Variants in ST6GAL2 observed in about 807,000 individuals in gnomAD.
ST6GAL2 encodes ST6 beta-galactoside alpha-2,6-sialyltransferase 2.
Under a neutral mutation model 37.5 loss-of-function variants are expected in ST6GAL2, and 24 were observed. The observed-to-expected ratio is 0.64, with a 90% CI of 0.46 to 0.90. The LOEUF (loss-of-function observed/expected upper bound fraction) is 0.90. Among genes scored for constraint, ST6GAL2 ranks in the 40% least tolerant of loss-of-function variants. The pLI is 0.00. For missense variants in ST6GAL2, 715 were observed against 712.7 expected (o/e 1.00, Z -0.04); for synonymous variants, 306 against 295.1 (o/e 1.04, Z -0.38).
chr2:106,865,545 A>G (rs12105012), intron 1 of ST6GAL2, among the ~76,000 whole-genome samples: 18 of 152,192 alleles, frequency 1.2e-4, no homozygotes, highest in Non-Finnish European at 2.1e-4. Context: ...TAACAGTAAC[A>G]GGTAGTAAGC....
intron 1 of ST6GAL2, among the ~76,000 whole-genome samples, chr2:106,877,586 G>A (rs564504574): frequency 6.6e-6 from 1 of 152,308 alleles, no homozygotes; most frequent in South Asian, 2.1e-4. Context: ...AGTACCAAAT[G>A]AAGAAAATTT....
At chr2:106,881,698 A>G (rs927865719) in intron 1 of ST6GAL2, among the ~76,000 whole-genome samples, 1 of 152,238 alleles carries the variant, frequency 6.6e-6, no homozygotes, top group Non-Finnish European at 1.5e-5. Context: ...AAAAATTTGT[A>G]GAATTTGAAC....
At chr2:106,813,936 G>A (rs971532036) in intron 5 of ST6GAL2, among the ~76,000 whole-genome samples, 1 of 152,140 alleles carries the variant, frequency 6.6e-6, no homozygotes, top group African/African-American at 2.4e-5. Flanking sequence ...GCTGTTTTGT[G>A]GTTTCTCCTT....
At position 106,806,886 on chromosome 2, in the gene ST6GAL2, C is replaced by T. The variant is rs762559384; in HGVS notation, c.1382G>A (p.Arg461Gln). The change falls in exon 6 of 6, where the codon CGG becomes CAG. Residue 461 changes from arginine to glutamine, a missense_variant. Physicochemically the swap from Arg to Gln is conservative, Grantham distance 43. Around this residue, in one of 3 missense-constraint regions of ST6GAL2, gnomAD observed 198 missense variants for 203.6 expected, o/e 0.97. Transcript: ENST00000409382. ...VHVYEYIPSV[R>Q]QTELCHYHEL... Reference sequence around the variant, plus strand: ...GTGGTAGTGGCACAGCTCCGTCTGCCGCACGGATGGGATATATTCATACAC... The same window carrying T: ...GTGGTAGTGGCACAGCTCCGTCTGCTGCACGGATGGGATATATTCATACAC... 16 of 1,614,112 alleles carry T rather than the reference C, an allele frequency of 9.9e-6. No individual in the cohort carries two copies. The highest frequency in any genetic ancestry group is 3.3e-5 in the South Asian group (3 of 91,074).
At position 106,844,049 on chromosome 2, in the gene ST6GAL2, G is replaced by T; in HGVS notation, c.-57-15C>A. 1.5e-6 allele frequency: 2 copies of T among 1,313,420 alleles called. No homozygotes were observed. Among genetic ancestry groups the T allele is most frequent in the Non-Finnish European group, 1.0e-6 (1 of 959,182 alleles). The allele number at this position is 1,313,420 out of a possible 1,614,324, so 81.4% of individuals were successfully genotyped here. Reference sequence around the variant, plus strand: ...GCAGAATGAACCTGAAAAACAGCCAGATGGCAGTTAGCCAACATGGGGCAT... The same window carrying T: ...GCAGAATGAACCTGAAAAACAGCCATATGGCAGTTAGCCAACATGGGGCAT... On this transcript the variant is annotated splice_polypyrimidine_tract_variant and intron_variant, in intron 1 of 5. Transcript: ENST00000409382.
At chr2:106,884,906 C>CATAT (rs772381082) in intron 1 of ST6GAL2, among the ~76,000 whole-genome samples, 6,826 of 76,084 alleles carry the variant, frequency 0.09, 343 homozygotes, top group East Asian at 0.18. Context: ...ATTTGCAGCG[C>CATAT]ATATATATAT....
intron 1 of ST6GAL2, among the ~76,000 whole-genome samples, chr2:106,854,929 CAAAAA>C (rs34470697): frequency 1.5e-5 from 2 of 131,102 alleles, no homozygotes; most frequent in East Asian, 4.1e-4. Flanking sequence ...TTATTTTTTC[CAAAAA>C]AAAAAAAAGA....
chr2:106,882,229 G>A (rs958668090), intron 1 of ST6GAL2, among the ~76,000 whole-genome samples: 2 of 152,230 alleles, frequency 1.3e-5, no homozygotes, highest in African/African-American at 4.8e-5. Flanking sequence ...AAAACTGATA[G>A]TCTTAGTTGG....
At chr2:106,814,647 G>A (rs7567711) in intron 5 of ST6GAL2, among the ~76,000 whole-genome samples, 2,005 of 152,320 alleles carry the variant, frequency 0.013, 33 homozygotes, top group African/African-American at 0.045. Flanking sequence ...GCTGGGAGCC[G>A]GGGTGGGTGA....
At position 106,843,642 on chromosome 2, in the gene ST6GAL2, A is replaced by G; in HGVS notation, c.336T>C (p.Phe112=). The part of the protein sequence containing the change: ...SQDGFEHKEF[F]SSQVGRKSQS... The stretch of plus-strand genomic sequence containing the variant: ...GAGATTTTCTCCCCACCTGGGATGA[A>G]AAAAACTCTTTATGTTCAAACCCAT... The change falls in exon 2 of 6, where the codon TTT becomes TTC. Residue 112 remains phenylalanine, a synonymous_variant. Coordinates refer to ENST00000409382, the MANE Select transcript of ST6GAL2 (RefSeq NM_001142351.2). The G allele has an allele frequency of 6.2e-7, 1 of 1,613,772 alleles. No homozygotes were observed. The highest frequency in any genetic ancestry group is 8.5e-7 in the Non-Finnish European group (1 of 1,180,024).
chr2:106,806,858 C>T lies in ST6GAL2; in HGVS notation c.1410G>A (p.Glu470=). The part of the protein sequence containing the change: ...VRQTELCHYH[E]LYYDAACTLG... ...GGGTGCAGGCTGCGTCGTAGTACAG[C>T]TCGTGGTAGTGGCACAGCTCCGTCT... is the stretch of plus-strand genomic sequence containing the variant. The change falls in exon 6 of 6, where the codon GAG becomes GAA. Residue 470 remains glutamate, a synonymous_variant. Coordinates refer to ENST00000409382, the MANE Select transcript of ST6GAL2 (RefSeq NM_001142351.2). The T allele has an allele frequency of 6.2e-7, 1 of 1,614,150 alleles. No homozygotes were observed. Among genetic ancestry groups the T allele is most frequent in the South Asian group, 1.1e-5 (1 of 91,068 alleles).
intron 1 of ST6GAL2, among the ~76,000 whole-genome samples, chr2:106,860,899 A>G (rs1400657600): frequency 6.6e-6 from 1 of 152,196 alleles, no homozygotes; most frequent in African/African-American, 2.4e-5. Flanking sequence ...CTAGAAAAAG[A>G]GAAAAGTGAA....
At chr2:106,837,988 C>T (rs1676717422) in intron 2 of ST6GAL2, among the ~76,000 whole-genome samples, 1 of 152,130 alleles carries the variant, frequency 6.6e-6, no homozygotes, top group African/African-American at 2.4e-5. Flanking sequence ...CCTCTATGAA[C>T]AGCCACTGTG....
intron 5 of ST6GAL2, among the ~76,000 whole-genome samples, chr2:106,815,599 A>G (rs1386166974): frequency 7.2e-5 from 11 of 152,216 alleles, no homozygotes; most frequent in Admixed American, 7.2e-4. Context: ...TTTTCAGATG[A>G]CACGCATTAC....
At chr2:106,875,594 G>A (rs1330671099) in intron 1 of ST6GAL2, among the ~76,000 whole-genome samples, 6 of 152,208 alleles carry the variant, frequency 3.9e-5, no homozygotes, top group Admixed American at 3.3e-4. Context: ...GTACGGGAAA[G>A]GCCTGGATTG....
At chr2:106,883,966 G>A (rs1031348980) in intron 1 of ST6GAL2, among the ~76,000 whole-genome samples, 2 of 152,132 alleles carry the variant, frequency 1.3e-5, no homozygotes, top group Non-Finnish European at 2.9e-5. Flanking sequence ...AGTGGCAGAA[G>A]CCTAGAAATC....
In ST6GAL2 at chr2:106,843,231, T is replaced by C; in HGVS notation, c.747A>G (p.Ala249=). The C allele has an allele frequency of 1.3e-6, 2 of 1,576,652 alleles. No individual in the cohort carries two copies. Among genetic ancestry groups the C allele is most frequent in the Middle Eastern group, 1.7e-4 (1 of 5,938 alleles). ...RGKREAGLSR[A]QLLCQLRSRA... is the part of the protein sequence containing the mutation. ...GGCTCCGCAGCTGGCACAGCAGCTG[T>C]GCCCTGCTCAGCCCGGCCTCCCGCT... The change falls in exon 2 of 6, where the codon GCA becomes GCG. Residue 249 remains alanine (A), a synonymous_variant. Coordinates refer to ENST00000409382, the MANE Select transcript of ST6GAL2 (RefSeq NM_001142351.2).
chr2:106,854,627 C>A (rs7594030), intron 1 of ST6GAL2, among the ~76,000 whole-genome samples: 133,297 of 152,126 alleles, frequency 0.88, 58,534 homozygotes, highest in East Asian at 0.98. Context: ...TTGATGGTTT[C>A]CCAGGAGGCA....
rs932308838 is a variant in ST6GAL2 at position 106,806,910 on chromosome 2, A to C, written c.1358T>G (p.Val453Gly). The C allele has an allele frequency of 4.3e-6, 7 of 1,613,984 alleles. No individual in the cohort carries two copies. Among genetic ancestry groups the C allele is most frequent in the Non-Finnish European group, 5.9e-6 (7 of 1,180,018 alleles). Residue 453 changes from valine (V) to glycine (G), a missense_variant, in exon 6 of 6, where the codon GTG (valine) becomes GGG (glycine). Transcript: ENST00000409382. ...CCGCACGGATGGGATATATTCATAC[A>C]CGTGCACCTCTCTGCACATGGACAT... ...IMMSMCREVH[V>G]YEYIPSVRQT... is the part of the protein sequence containing the mutation.
Sources: gnomAD v4.1 joint callset for allele counts (sites outside exome capture counted in the v4.1 genomes callset) on GRCh38, gnomAD v4.1.1 for gene constraint, gnomAD v4.1.1 regional missense constraint, MANE v1.5 for transcripts, NCBI Gene and HGNC (gene_info 2026-07-23, HGNC 2026-07-21) for gene names.